GPR4: variants seen among roughly 807,000 people sequenced by gnomAD.
GPR4 encodes the protein G-prodeshotein coupled receptor 4.
In GPR4, 11 loss-of-function variants were observed where a neutral mutation model predicts 17.8. That is an observed-to-expected ratio of 0.62 (90% confidence interval 0.39 to 1.02). The LOEUF (loss-of-function observed/expected upper bound fraction) is 1.02, where lower values mean the gene tolerates loss of function less well. Ranked by LOEUF, GPR4 falls within the 50% of genes least tolerant of loss-of-function variation. The pLI is 0.00. For missense variants in GPR4, 364 were observed against 495.4 expected, an observed-to-expected ratio of 0.73 and a Z score of 2.52; for synonymous variants, 219 against 222.8, an observed-to-expected ratio of 0.98 and a Z score of 0.15.
At position 45,589,772 on chromosome 19, in the gene GPR4, T is replaced by C. The variant is rs1969969485; in HGVS notation, c.*1006A>G. On this transcript the variant is annotated 3_prime_UTR_variant, in exon 2 of 2. Transcript: ENST00000323040. ...AAAATGTCCCCTTCCCATTTAGCAA[T>C]TCCAAACATTACATATTTTTTATTT... The C allele has an allele frequency of 6.6e-6, 1 of 152,268 alleles. No individual in the cohort carries two copies. The highest frequency in any genetic ancestry group is 2.1e-4 in the South Asian group (1 of 4,844). 9.4% of individuals were successfully genotyped at this position (152,268 alleles called of 1,614,324 possible).
intron 1 of GPR4, among the ~76,000 whole-genome samples, chr19:45,594,317 G>A (rs1970034976): frequency 6.7e-6 from 1 of 149,026 alleles, no homozygotes; most frequent in Non-Finnish European, 1.5e-5. Flanking sequence ...AGCTACTCAG[G>A]AGGCTGAGGC....
rs1032163058 is a variant in GPR4, at chr19:45,591,238, C to T, written c.629G>A (p.Gly210Asp). 1.9e-6 allele frequency: 3 copies of T among 1,613,160 alleles called. No homozygotes were observed. Among genetic ancestry groups the T allele is most frequent in the African/African-American group, 2.7e-5 (2 of 74,928 alleles). Residue 210 changes from glycine to aspartate, a missense_variant, in exon 2 of 2, where the codon GGC becomes GAC. Transcript: ENST00000323040. The surrounding 1 kb of genome is among the most constrained non-coding windows in gnomAD (Gnocchi z 7.6). ...CTCCTGGCGCTCGGTGGACACGCTG[C>T]CCCGCACGGCCCGCAGGATGCCCCG... ...SYRGILRAVRGSVSTERQEKA... is the reference protein window; with the variant it reads ...SYRGILRAVRDSVSTERQEKA...
chr19:45,590,427 A>C lies in GPR4; in HGVS notation c.*351T>G. Reference sequence around the variant, plus strand: ...GTGGCTCACATTTGTGGTCCCAGCTACTCGGGAGGCTGATGTGGGAAGATC... The same window carrying C: ...GTGGCTCACATTTGTGGTCCCAGCTCCTCGGGAGGCTGATGTGGGAAGATC... On this transcript the variant is annotated 3_prime_UTR_variant, in exon 2 of 2. Transcript: ENST00000323040. 4.7e-6 allele frequency: 1 copy of C among 213,458 alleles called. No homozygotes were observed. The highest frequency in any genetic ancestry group is 9.2e-6 in the Non-Finnish European group (1 of 108,304). 13.2% of individuals were successfully genotyped at this position (213,458 alleles called of 1,614,324 possible). A position where few individuals can be genotyped will look rare whatever the true frequency, so the allele number is the denominator to read the frequency against.
In GPR4 at chr19:45,591,420, G is replaced by A; in HGVS notation, c.447C>T (p.Asn149=). 6.2e-7 allele frequency: 1 copy of A among 1,606,934 alleles called. No individual in the cohort carries two copies. The highest frequency in any genetic ancestry group is 2.2e-5 in the East Asian group (1 of 44,822). Reference sequence around the variant, plus strand: ...GCTCGTCATGGAACAGGGGCGCCGAGTTGGCGCCCAGCTCCGTGGCCCAGA... The same window carrying A: ...GCTCGTCATGGAACAGGGGCGCCGAATTGGCGCCCAGCTCCGTGGCCCAGA... The part of the protein sequence containing the change: ...SVVWATELGA[N]SAPLFHDELF... The change falls in exon 2 of 2, where the codon AAC becomes AAT. Residue 149 remains asparagine (N), a synonymous_variant. Transcript: ENST00000323040. This position sits in a 1 kb window ranked among gnomAD's most constrained non-coding sequence, Gnocchi z 7.6.
At position 45,591,954 on chromosome 19, in the gene GPR4, C is replaced by T; in HGVS notation, c.-88G>A. On this transcript the variant is annotated 5_prime_UTR_variant, in exon 2 of 2. Coordinates refer to ENST00000323040, the MANE Select transcript of GPR4 (RefSeq NM_005282.3). This position sits in a 1 kb window ranked among gnomAD's most constrained non-coding sequence, Gnocchi z 7.6. ...GCGGGAGGCCATGGGGCCCCCTGAG[C>T]CCCTTCCTTGGAGGCTCAGGGGAAC... 6.3e-6 allele frequency: 9 copies of T among 1,425,406 alleles called. No individual in the cohort carries two copies. Among genetic ancestry groups the T allele is most frequent in the Non-Finnish European group, 8.5e-6 (9 of 1,062,364 alleles). The allele number at this position is 1,425,406 out of a possible 1,614,324, so 88.3% of individuals were successfully genotyped here.
At chr19:45,593,117 G>C (rs1970015118) in intron 1 of GPR4, among the ~76,000 whole-genome samples, 1 of 148,394 alleles carries the variant, frequency 6.7e-6, no homozygotes, top group Non-Finnish European at 1.5e-5. Context: ...AGGATCACTT[G>C]ATCCCAGGGG....
At position 45,591,291 on chromosome 19, in the gene GPR4, G is replaced by A. The variant is rs200686664; in HGVS notation, c.576C>T (p.Phe192=). Residue 192 remains phenylalanine (F), a synonymous_variant, in exon 2 of 2, where the codon TTC becomes TTT. Transcript: ENST00000323040. The surrounding 1 kb of genome is among the most constrained non-coding windows in gnomAD (Gnocchi z 7.6). ...NLYRVFVGFL[F]PWALMLLSYR... ...ACGACAGCAGCATGAGCGCCCACGGGAAGAGGAAGCCCACGAACACCCGAT... is the reference window on the plus strand; with the variant it reads ...ACGACAGCAGCATGAGCGCCCACGGAAAGAGGAAGCCCACGAACACCCGAT... The A allele has an allele frequency of 1.9e-6, 3 of 1,612,956 alleles. No individual in the cohort carries two copies. The highest frequency in any genetic ancestry group is 1.3e-5 in the African/African-American group (1 of 75,044).
chr19:45,590,963 G>T lies in GPR4; in HGVS notation c.904C>A (p.His302Asn). ...GARSDVAKAL[H>N]NLLRFLASDK... ...CTGGCCAGAAAGCGGAGCAGGTTGT[G>T]CAGGGCCTTGGCCACATCGCTGCGG... is the stretch of plus-strand genomic sequence containing the variant. The change falls in exon 2 of 2, where the codon CAC (histidine) becomes AAC (asparagine). Residue 302 changes from histidine (H) to asparagine (N), a missense_variant. Transcript: ENST00000323040. 6.2e-7 allele frequency: 1 copy of T among 1,614,022 alleles called. No individual in the cohort carries two copies. The highest frequency in any genetic ancestry group is 8.5e-7 in the Non-Finnish European group (1 of 1,180,044).
intron 1 of GPR4, among the ~76,000 whole-genome samples, chr19:45,597,580 A>G (rs1413157877): frequency 1.3e-5 from 2 of 152,206 alleles, no homozygotes; most frequent in East Asian, 3.8e-4. Context: ...CCCAGCATAC[A>G]GTAGGTGCTC....
At chr19:45,595,254 CAACAAGAGCG>C (rs1325335493) in intron 1 of GPR4, among the ~76,000 whole-genome samples, 1 of 151,030 alleles carries the variant, frequency 6.6e-6, no homozygotes, top group Non-Finnish European at 1.5e-5. Context: ...ACAGCCTGGG[CAACAAGAGCG>C]AACTCCATCT....
In GPR4 at chr19:45,599,680, C is replaced by T. The variant is rs572596140; in HGVS notation, c.-832+2415G>A. ...ACCAGTCCTTAGATGGCCTCTCTGA[C>T]GTTCTAGGTCTCTATGGTTCTGCAG... is the stretch of plus-strand genomic sequence containing the variant. On this transcript the variant is annotated intron_variant, in intron 1 of 1. Transcript: ENST00000323040. 1.3e-4 allele frequency: 20 copies of T among 152,322 alleles called. No individual in the cohort carries two copies. The East Asian group carries it at 3.3e-3, about 25-fold the overall frequency. The allele number at this position is 152,322 out of a possible 1,614,324, so 9.4% of individuals were successfully genotyped here.
At chr19:45,594,073 T>C (rs1444574361) in intron 1 of GPR4, among the ~76,000 whole-genome samples, 1 of 83,518 alleles carries the variant, frequency 1.2e-5, no homozygotes, top group African/African-American at 8.2e-5. Flanking sequence ...AATATATATA[T>C]ATATATATAT....
chr19:45,597,204 G>A (rs1047821921), intron 1 of GPR4, among the ~76,000 whole-genome samples: 5 of 152,094 alleles, frequency 3.3e-5, no homozygotes, highest in South Asian at 2.1e-4. Flanking sequence ...GAGTAGTTGG[G>A]ATTACAGGTG....
At chr19:45,595,323 T>TAAA (rs1568417645) in intron 1 of GPR4, among the ~76,000 whole-genome samples, 1 of 143,876 alleles carries the variant, frequency 7.0e-6, no homozygotes. Context: ...AAATAAAAAA[T>TAAA]AACTGGACAG....
At chr19:45,594,059 AAAAAATAT>A (rs1454710910) in intron 1 of GPR4, among the ~76,000 whole-genome samples, 1 of 42,780 alleles carries the variant, frequency 2.3e-5, no homozygotes, top group Non-Finnish European at 3.5e-5. Flanking sequence ...AAAAAAAAAA[AAAAAATAT>A]ATATATATAT....
chr19:45,599,146 G>A (rs907169483), intron 1 of GPR4, among the ~76,000 whole-genome samples: 2 of 152,170 alleles, frequency 1.3e-5, no homozygotes, highest in African/African-American at 2.4e-5. Flanking sequence ...GAGTCGGGGG[G>A]AAGAGAAATA....
At position 45,590,624 on chromosome 19, in the gene GPR4, G is replaced by C. The variant is rs1969979299; in HGVS notation, c.*154C>G. 5 of 945,202 alleles carry C rather than the reference G, an allele frequency of 5.3e-6. No individual in the cohort carries two copies. Among genetic ancestry groups the C allele is most frequent in the Non-Finnish European group, 7.6e-6 (5 of 654,646 alleles). The allele number at this position is 945,202 out of a possible 1,614,324, so 58.6% of individuals were successfully genotyped here. ...GATGGGATCTGGGAGCACAAAGGTT[G>C]ACCAGTGACACACCAACCTCACTCT... On this transcript the variant is annotated 3_prime_UTR_variant, in exon 2 of 2. Transcript: ENST00000323040.
chr19:45,591,831 G>T lies in GPR4; in HGVS notation c.36C>A (p.Asp12Glu). 2 of 1,584,520 alleles carry T rather than the reference G, an allele frequency of 1.3e-6. No homozygotes were observed. Among genetic ancestry groups the T allele is most frequent in the South Asian group, 1.1e-5 (1 of 87,864 alleles). ...GCGGAAAGAGGTGGTCCACGCGCGA[G>T]TCCACGTGGCAGCCCTCCCACGTGT... ...GNHTWEGCHVDSRVDHLFPPS... is the reference protein window; with the variant it reads ...GNHTWEGCHVESRVDHLFPPS... Residue 12 changes from aspartate to glutamate, a missense_variant, in exon 2 of 2, where the codon GAC (aspartate) becomes GAA (glutamate). By Grantham distance (45) the Asp-to-Glu change is conservative. This residue lies in a region of GPR4 where 271 missense variants were observed against 373.1 expected (regional missense o/e 0.73). Coordinates refer to ENST00000323040, the MANE Select transcript of GPR4 (RefSeq NM_005282.3). The surrounding 1 kb of genome is among the most constrained non-coding windows in gnomAD (Gnocchi z 7.6).
intron 1 of GPR4, among the ~76,000 whole-genome samples, chr19:45,599,205 C>T (rs558297739): frequency 6.6e-6 from 1 of 152,258 alleles, no homozygotes; most frequent in Non-Finnish European, 1.5e-5. Context: ...CTAGGAAGAC[C>T]TGGCCCCCCC....
Sources: allele counts gnomAD v4.1 joint callset (sites outside exome capture counted in the v4.1 genomes callset), GRCh38; gene constraint gnomAD v4.1.1; regional missense constraint gnomAD v4.1.1; non-coding constraint Gnocchi (gnomAD v3.1); transcripts MANE v1.5; gene names NCBI Gene and HGNC (gene_info 2026-07-23, HGNC 2026-07-21).